Variants in ADGRL2 observed in about 807,000 individuals in gnomAD.
ADGRL2 encodes adhesion G protein-coupled receptor L2.
ADGRL2 carries 44 observed loss-of-function variants against 157.4 expected under a neutral mutation model. That is an observed-to-expected ratio of 0.28 (90% CI 0.22 to 0.36). The LOEUF (loss-of-function observed/expected upper bound fraction) is 0.36, where lower values mean the gene tolerates loss of function less well. ADGRL2 is among the 10% of genes least tolerant of loss of function. The pLI, the probability that ADGRL2 is intolerant of heterozygous loss-of-function variation, is 1.00. For synonymous variants in ADGRL2, 585 were observed against 624.7 expected (o/e 0.94, Z 0.95); for missense variants, 1,510 against 1,768.9 (o/e 0.85, Z 2.63).
At chr1:81,909,678 A>G (rs1207903048) in intron 3 of ADGRL2, among the ~76,000 whole-genome samples, 1 of 151,850 alleles carries the variant, frequency 6.6e-6, no homozygotes, top group Admixed American at 6.6e-5. Context: ...TAAGGTAAAC[A>G]TATTCTGATT....
At chr1:81,634,526 G>GT (rs2082078611) in intron 3 of ADGRL2, among the ~76,000 whole-genome samples, 2 of 102,536 alleles carry the variant, frequency 2.0e-5, no homozygotes, top group African/African-American at 7.5e-5. Flanking sequence ...TTTTTTTTTT[G>GT]GTTTTTTTGT....
chr1:81,745,365 A>G (rs928185732), intron 1 of ADGRL2, among the ~76,000 whole-genome samples: 2 of 152,212 alleles, frequency 1.3e-5, no homozygotes, highest in African/African-American at 2.4e-5. Context: ...ATTGTAAGAT[A>G]GGAAAAACAA....
At chr1:81,541,681 T>G (rs1327529339) in intron 2 of ADGRL2, among the ~76,000 whole-genome samples, 2 of 151,952 alleles carry the variant, frequency 1.3e-5, no homozygotes, top group African/African-American at 2.4e-5. Context: ...TGGGCACGGT[T>G]GCTCACGCCT....
chr1:81,709,362 G>T (rs1449594273), intron 1 of ADGRL2, among the ~76,000 whole-genome samples: 1 of 152,088 alleles, frequency 6.6e-6, no homozygotes, highest in East Asian at 1.9e-4. Flanking sequence ...CAACTGAATG[G>T]TGCTCCTTTC....
At chr1:81,613,117 T>C (rs2081575827) in intron 3 of ADGRL2, among the ~76,000 whole-genome samples, 1 of 152,198 alleles carries the variant, frequency 6.6e-6, no homozygotes, top group African/African-American at 2.4e-5. Flanking sequence ...TTCTGCCTCT[T>C]AGCAGCTGTT....
chr1:81,623,001 G>A (rs2081831649), intron 3 of ADGRL2, among the ~76,000 whole-genome samples: 1 of 152,150 alleles, frequency 6.6e-6, no homozygotes, highest in South Asian at 2.1e-4. Flanking sequence ...GTTACTCTGA[G>A]CCACATCAGA....
intron 2 of ADGRL2, among the ~76,000 whole-genome samples, chr1:81,522,829 A>C (rs2079354624): frequency 6.6e-6 from 1 of 152,176 alleles, no homozygotes; most frequent in Admixed American, 6.5e-5. Flanking sequence ...CAGTCCAATA[A>C]ATTGAGTATA....
chr1:81,395,036 C>T (rs543168078), intron 1 of ADGRL2, among the ~76,000 whole-genome samples: 8 of 152,122 alleles, frequency 5.3e-5, no homozygotes, highest in Admixed American at 1.3e-4. Flanking sequence ...GTAGCTGGGA[C>T]TACACGTGTG....
chr1:81,599,289 C>G (rs1420743711), intron 3 of ADGRL2, among the ~76,000 whole-genome samples: 1 of 152,186 alleles, frequency 6.6e-6, no homozygotes, highest in Non-Finnish European at 1.5e-5. Flanking sequence ...GTACACTCAT[C>G]CATTTGACTG....
At chr1:81,646,026 A>G (rs906716544) in intron 3 of ADGRL2, among the ~76,000 whole-genome samples, 6 of 152,158 alleles carry the variant, frequency 3.9e-5, no homozygotes, top group Non-Finnish European at 1.5e-5. Flanking sequence ...AGGGATAAAA[A>G]TGTTAATTCT....
chr1:81,738,157 A>G (rs1478068276), intron 1 of ADGRL2, among the ~76,000 whole-genome samples: 2 of 152,190 alleles, frequency 1.3e-5, no homozygotes, highest in African/African-American at 4.8e-5. Flanking sequence ...GGTGCCATAC[A>G]ATTTGGCAGG....
At chr1:81,376,336 A>G (rs2076249358) in intron 1 of ADGRL2, among the ~76,000 whole-genome samples, 1 of 152,104 alleles carries the variant, frequency 6.6e-6, no homozygotes, top group Non-Finnish European at 1.5e-5. Flanking sequence ...AACCAAAGAA[A>G]CATTGCCTAG....
At chr1:81,399,427 T>A (rs2076712646) in intron 1 of ADGRL2, among the ~76,000 whole-genome samples, 1 of 152,228 alleles carries the variant, frequency 6.6e-6, no homozygotes, top group Non-Finnish European at 1.5e-5. Flanking sequence ...AAATAGTTGT[T>A]CACTTAGTGG....
At chr1:81,646,024 A>C (rs1264621982) in intron 3 of ADGRL2, among the ~76,000 whole-genome samples, 1 of 152,152 alleles carries the variant, frequency 6.6e-6, no homozygotes. Flanking sequence ...TAAGGGATAA[A>C]AATGTTAATT....
chr1:81,314,335 G>A (rs906206617), intron 1 of ADGRL2, among the ~76,000 whole-genome samples: 22 of 152,148 alleles, frequency 1.4e-4, no homozygotes, highest in Admixed American at 4.6e-4. Flanking sequence ...GGAAGACAAA[G>A]TATAATTTGA....
intron 1 of ADGRL2, among the ~76,000 whole-genome samples, chr1:81,706,490 A>G (rs977571867): frequency 6.6e-6 from 1 of 152,206 alleles, no homozygotes; most frequent in African/African-American, 2.4e-5. Context: ...TTTCCAGAGA[A>G]GAGCAGTGTG....
chr1:81,768,573 A>AATTTCCAG (rs1180386733), intron 2 of ADGRL2, among the ~76,000 whole-genome samples: 1 of 151,602 alleles, frequency 6.6e-6, no homozygotes, highest in Non-Finnish European at 1.5e-5. Flanking sequence ...TCCAGGGCTC[A>AATTTCCAG]AGCAATCCTC....
chr1:81,672,071 G>A (rs1043365407), intron 3 of ADGRL2, among the ~76,000 whole-genome samples: 5 of 152,188 alleles, frequency 3.3e-5, no homozygotes, highest in African/African-American at 1.2e-4. Flanking sequence ...CCAGACAACA[G>A]CCTTTCATAC....
intron 1 of ADGRL2, among the ~76,000 whole-genome samples, chr1:81,747,032 A>G (rs1022033753): frequency 6.9e-5 from 10 of 145,308 alleles, no homozygotes; most frequent in Non-Finnish European, 1.5e-4. Context: ...ACGTGTATAT[A>G]CGTATATATA....
Sources: allele counts gnomAD v4.1 joint callset (sites outside exome capture counted in the v4.1 genomes callset), GRCh38; gene constraint gnomAD v4.1.1; transcripts MANE v1.5; gene names NCBI Gene and HGNC (gene_info 2026-07-23, HGNC 2026-07-21).